Variants in PTK2B observed in about 807,000 individuals in gnomAD.
The protein encoded by PTK2B is protein tyrosine kinase 2 beta.
In PTK2B, 71 loss-of-function variants were observed where a neutral mutation model predicts 142.9. That is an observed-to-expected ratio of 0.50 (90% CI 0.41 to 0.61). The LOEUF is 0.61. Ranked by LOEUF, PTK2B falls within the 20% of genes least tolerant of loss-of-function variation. The pLI is 0.00. For missense variants in PTK2B, 1,105 were observed against 1,320.4 expected, an observed-to-expected ratio of 0.84 and a Z score of 2.53; for synonymous variants, 519 against 503.4, an observed-to-expected ratio of 1.03 and a Z score of -0.42.
In PTK2B at chr8:27,363,906, C is replaced by G. The variant is rs572159830; in HGVS notation, c.-37-33642C>G. Among the ~76,000 whole-genome samples, 1 of 152,166 alleles carries G rather than the reference C, an allele frequency of 6.6e-6. No homozygotes were observed. Among genetic ancestry groups the G allele is most frequent in the Non-Finnish European group, 1.5e-5 (1 of 68,020 alleles). Reference sequence around the variant, plus strand: ...TGAGGAAGTGAGGAAATACCCAGGGCGCTGCAGGGCTAAGATTAGACTAGG... The same window carrying G: ...TGAGGAAGTGAGGAAATACCCAGGGGGCTGCAGGGCTAAGATTAGACTAGG... On this transcript the variant is annotated intron_variant, in intron 1 of 30. Transcript: ENST00000346049. This position sits in a 1 kb window ranked among gnomAD's most constrained non-coding sequence, Gnocchi z 4.3.
chr8:27,373,996 C>T (rs1192460036), intron 1 of PTK2B, among the ~76,000 whole-genome samples: 1 of 151,864 alleles, frequency 6.6e-6, no homozygotes, highest in Non-Finnish European at 1.5e-5. Context: ...TGCATGTCCC[C>T]AGAGGGCAGA....
rs577269543 is a variant in PTK2B at position 27,326,296 on chromosome 8, C to T, written c.-38+615C>T. On this transcript the variant is annotated intron_variant, in intron 1 of 30. Transcript: ENST00000346049. ...TGGCCATTCTGGTATCTTGAGAAGC[C>T]GCCTCCTGAGTGCCACTCAAGGGTT... Among the ~76,000 whole-genome samples, 7 of 152,024 alleles carry T rather than the reference C, an allele frequency of 4.6e-5. No homozygotes were observed. In the East Asian group the frequency reaches 1.4e-3, roughly 30 times the overall value.
chr8:27,348,344 AG>A (rs1328686227), intron 1 of PTK2B, among the ~76,000 whole-genome samples: 16 of 152,156 alleles, frequency 1.1e-4, no homozygotes, highest in African/African-American at 2.2e-4. Flanking sequence ...TCTGCATGAC[AG>A]GACTCTCCTA....
At chr8:27,331,520 A>G (rs1332302040) in intron 1 of PTK2B, among the ~76,000 whole-genome samples, 1 of 151,970 alleles carries the variant, frequency 6.6e-6, no homozygotes, top group African/African-American at 2.4e-5. Flanking sequence ...GGCATGAGCC[A>G]AGACTACAGG....
intron 3 of PTK2B, among the ~76,000 whole-genome samples, chr8:27,315,537 C>T (rs901720818): frequency 6.6e-6 from 1 of 152,150 alleles, no homozygotes. Context: ...ACTGTGTTCT[C>T]TTATCTCTGT....
intron 13 of PTK2B, 109 bp downstream of exon 13, chr8:27,434,668 A>T: frequency 7.9e-7 from 1 of 1,260,148 alleles, no homozygotes; most frequent in Non-Finnish European, 1.1e-6. Flanking sequence ...TGACAGAAAA[A>T]TGATCCTCTC....
upstream of PTK2B, among the ~76,000 whole-genome samples, chr8:27,320,980 C>CTTTTT (rs776395346): frequency 9.3e-3 from 366 of 39,384 alleles, 110 homozygotes; most frequent in African/African-American, 0.018. Context: ...ATACAAAAGG[C>CTTTTT]TTTTTTTTTT....
At chr8:27,453,243 G>A in intron 28 of PTK2B, 83 bp downstream of exon 28, 2 of 1,552,488 alleles carry the variant, frequency 1.3e-6, no homozygotes, top group East Asian at 2.2e-5. Flanking sequence ...AAGATTCACA[G>A]TTCTCAGATA....
intron 2 of PTK2B, among the ~76,000 whole-genome samples, chr8:27,403,222 C>T (rs1218096209): frequency 6.6e-6 from 1 of 152,192 alleles, no homozygotes; most frequent in East Asian, 1.9e-4. Context: ...TTGCCAAGCA[C>T]ATGTCCTTCC....
intron 21 of PTK2B, among the ~76,000 whole-genome samples, chr8:27,441,088 C>A (rs1263532144): frequency 1.3e-5 from 2 of 152,086 alleles, no homozygotes; most frequent in East Asian, 3.9e-4. Flanking sequence ...TAAGCATTTT[C>A]TATAAAGGGC....
intron 1 of PTK2B, among the ~76,000 whole-genome samples, chr8:27,339,032 T>C (rs1394820208): frequency 6.6e-6 from 1 of 152,258 alleles, no homozygotes. Context: ...TAAAATTGTT[T>C]AAAAAACAAG....
chr8:27,310,860 C>A (rs1224213865), upstream of PTK2B: 1 of 1,610,188 alleles, frequency 6.2e-7, no homozygotes, highest in Non-Finnish European at 8.5e-7. Context: ...TGTCGGGGGT[C>A]GGCCTGGCAG....
At chr8:27,343,617 C>T (rs1338253549) in intron 1 of PTK2B, among the ~76,000 whole-genome samples, 3 of 152,220 alleles carry the variant, frequency 2.0e-5, no homozygotes, top group Non-Finnish European at 4.4e-5. Flanking sequence ...AGCCCAATGC[C>T]ACAGAGGTGT....
In PTK2B at chr8:27,397,746, A is replaced by G. The variant is rs1045512; in HGVS notation, c.162A>G (p.Lys54=). The part of the protein sequence containing the change: ...CFYSNSFNPG[K]NFKLVKCTVQ... ...ATAGCAACAGCTTCAATCCTGGGAA[A>G]AACTTCAAACTGGTCAAATGCACTG... Residue 54 remains lysine (K), a synonymous_variant, in exon 2 of 31, where the codon AAA becomes AAG. Transcript: ENST00000346049. 676,616 of 1,613,654 alleles carry G rather than the reference A, an allele frequency of 0.42. 145,216 individuals carry two copies. The highest frequency in any genetic ancestry group is 0.5 in the Middle Eastern group (3,002 of 6,062).
chr8:27,415,477 T>C (rs1218637682), intron 2 of PTK2B, among the ~76,000 whole-genome samples: 5 of 152,200 alleles, frequency 3.3e-5, no homozygotes, highest in African/African-American at 1.2e-4. Context: ...ATAACAATGA[T>C]AAAATCTGGA....
At chr8:27,347,496 A>G (rs1395208138) in intron 1 of PTK2B, among the ~76,000 whole-genome samples, 2 of 151,108 alleles carry the variant, frequency 1.3e-5, no homozygotes, top group Non-Finnish European at 2.9e-5. Context: ...TGGAAGTCCA[A>G]CATCAAGGTG....
chr8:27,377,302 T>A (rs915261261), intron 1 of PTK2B, among the ~76,000 whole-genome samples: 2 of 152,192 alleles, frequency 1.3e-5, no homozygotes, highest in Non-Finnish European at 2.9e-5. Context: ...GTTGGGTATG[T>A]GTAGTTTACC....
At chr8:27,311,435 C>A, upstream of PTK2B, 1 of 661,620 alleles carries the variant, frequency 1.5e-6, no homozygotes, top group Non-Finnish European at 2.4e-6. Context: ...CCACCCACTT[C>A]CGGTGTGCGC....
intron 9 of PTK2B, 133 bp downstream of exon 9, chr8:27,431,605 C>A: frequency 8.4e-7 from 1 of 1,192,748 alleles, no homozygotes; most frequent in Non-Finnish European, 1.2e-6. Flanking sequence ...TAAGGCCATG[C>A]CCTGGCGTGA....
Sources: allele counts gnomAD v4.1 joint callset (sites outside exome capture counted in the v4.1 genomes callset), GRCh38; gene constraint gnomAD v4.1.1; non-coding constraint Gnocchi (gnomAD v3.1); transcripts MANE v1.5; gene names NCBI Gene and HGNC (gene_info 2026-07-23, HGNC 2026-07-21).